Variants in CNBD1 observed in about 807,000 individuals in gnomAD.
CNBD1 encodes the protein cyclic nucleotide binding domain containing 1, also known as cyclic nucleotide-binding domain-containing protein 1.
In CNBD1, 71 loss-of-function variants were observed where a neutral mutation model predicts 54.4. The ratio of observed to expected loss-of-function variants is 1.30; its 90% CI spans 1.08 to 1.59. The LOEUF (loss-of-function observed/expected upper bound fraction) is 1.59. Among genes scored for constraint, CNBD1 ranks in the 40% most tolerant of loss-of-function variants. The pLI is 0.00. For synonymous variants in CNBD1, 182 were observed against 170.7 expected (o/e 1.07, Z -0.51); for missense variants, 659 against 518.0 (o/e 1.27, Z -2.64).
intron 4 of CNBD1, among the ~76,000 whole-genome samples, chr8:87,147,588 G>A (rs2130744972): frequency 6.6e-6 from 1 of 152,050 alleles, no homozygotes; most frequent in South Asian, 2.1e-4. Flanking sequence ...TTGAAATAAT[G>A]CTCAGAGTAA....
At chr8:87,012,420 A>G (rs138933468) in intron 4 of CNBD1, among the ~76,000 whole-genome samples, 233 of 152,310 alleles carry the variant, frequency 1.5e-3, no homozygotes, top group African/African-American at 4.6e-3. Flanking sequence ...TAACTCTAGC[A>G]TAATATTATG....
At chr8:86,951,581 CAAAAAAAAA>C (rs71275901) in intron 4 of CNBD1, among the ~76,000 whole-genome samples, 52 of 37,360 alleles carry the variant, frequency 1.4e-3, no homozygotes, top group Admixed American at 3.1e-3. Flanking sequence ...CTCCGTCTCA[CAAAAAAAAA>C]AAAAAAAAAA....
chr8:86,920,243 A>C (rs11995736), intron 3 of CNBD1, among the ~76,000 whole-genome samples: 14,227 of 152,154 alleles, frequency 0.094, 960 homozygotes, highest in African/African-American at 0.2. Flanking sequence ...TTTTTGGTAT[A>C]TTTTAATTTA....
intron 4 of CNBD1, among the ~76,000 whole-genome samples, chr8:87,028,525 T>G (rs575651883): frequency 8.5e-5 from 13 of 152,284 alleles, no homozygotes; most frequent in Non-Finnish European, 1.8e-4. Context: ...GGAGGAAGGC[T>G]TTAATCAGGT....
intron 4 of CNBD1, among the ~76,000 whole-genome samples, chr8:86,943,926 T>C (rs1033136343): frequency 2.0e-5 from 3 of 151,994 alleles, no homozygotes; most frequent in Non-Finnish European, 2.9e-5. Context: ...CTCTTCAAGG[T>C]ACAACACTGG....
At chr8:87,216,509 T>A (rs1214364747) in intron 5 of CNBD1, among the ~76,000 whole-genome samples, 2 of 152,212 alleles carry the variant, frequency 1.3e-5, no homozygotes, top group East Asian at 3.8e-4. Context: ...GAAATTTATT[T>A]CTTATAGATT....
intron 4 of CNBD1, among the ~76,000 whole-genome samples, chr8:86,968,547 C>T (rs1808145811): frequency 6.6e-6 from 1 of 152,200 alleles, no homozygotes; most frequent in African/African-American, 2.4e-5. Context: ...TAAGGACGTG[C>T]ACCAGGGAGG....
intron 5 of CNBD1, among the ~76,000 whole-genome samples, chr8:87,222,496 A>C (rs1342164905): frequency 6.6e-6 from 1 of 152,160 alleles, no homozygotes; most frequent in Non-Finnish European, 1.5e-5. Flanking sequence ...GGATGGGGGC[A>C]GGGCTGAGGT....
At chr8:87,304,450 C>G (rs1044267531) in intron 8 of CNBD1, among the ~76,000 whole-genome samples, 53 of 151,332 alleles carry the variant, frequency 3.5e-4, no homozygotes, top group African/African-American at 9.7e-4. Context: ...AACACATGGA[C>G]ACAGGAAGGG....
intron 4 of CNBD1, among the ~76,000 whole-genome samples, chr8:87,107,910 T>C (rs1811575865): frequency 6.6e-6 from 1 of 152,238 alleles, no homozygotes; most frequent in Admixed American, 6.5e-5. Flanking sequence ...GTCTACCTGT[T>C]ATCAATTCAT....
At chr8:86,998,547 T>C (rs1808928775) in intron 4 of CNBD1, among the ~76,000 whole-genome samples, 1 of 152,184 alleles carries the variant, frequency 6.6e-6, no homozygotes, top group Admixed American at 6.5e-5. Context: ...ATTCAAGGTC[T>C]TTCCCTTCTA....
intron 6 of CNBD1, among the ~76,000 whole-genome samples, chr8:87,247,930 C>T (rs964995235): frequency 6.6e-6 from 1 of 152,188 alleles, no homozygotes; most frequent in African/African-American, 2.4e-5. Context: ...GACTCACATT[C>T]AGAAGTGACC....
chr8:87,020,779 C>G (rs1809472347), intron 4 of CNBD1, among the ~76,000 whole-genome samples: 1 of 152,184 alleles, frequency 6.6e-6, no homozygotes, highest in Admixed American at 6.5e-5. Flanking sequence ...CCCCTTGCCC[C>G]TTTGTTTTAT....
intron 4 of CNBD1, among the ~76,000 whole-genome samples, chr8:87,106,520 T>C (rs752594609): frequency 6.6e-6 from 1 of 152,202 alleles, no homozygotes; most frequent in Non-Finnish European, 1.5e-5. Context: ...CAATATTCGA[T>C]GTTTCTATAG....
At chr8:87,025,057 C>T (rs777970863) in intron 4 of CNBD1, among the ~76,000 whole-genome samples, 1 of 152,102 alleles carries the variant, frequency 6.6e-6, no homozygotes, top group Non-Finnish European at 1.5e-5. Context: ...AGAGGTGAAG[C>T]CAGCTGGGCG....
intron 4 of CNBD1, among the ~76,000 whole-genome samples, chr8:86,989,816 C>T (rs934712553): frequency 4.6e-5 from 7 of 152,092 alleles, no homozygotes; most frequent in Admixed American, 1.3e-4. Flanking sequence ...CAACAGTGTA[C>T]GAGGGTTCCC....
At chr8:87,030,911 C>G (rs1487893150) in intron 4 of CNBD1, among the ~76,000 whole-genome samples, 1 of 66,254 alleles carries the variant, frequency 1.5e-5, no homozygotes, top group Non-Finnish European at 3.3e-5. Flanking sequence ...CCCACCTCCT[C>G]CTCCCCCCCT....
intron 1 of CNBD1, among the ~76,000 whole-genome samples, chr8:86,874,540 T>G (rs4527891): frequency 0.47 from 70,788 of 151,884 alleles, 16,752 homozygotes; most frequent in East Asian, 0.56. Context: ...ATATGTTTTG[T>G]GAAGATGTAT....
intron 10 of CNBD1, among the ~76,000 whole-genome samples, chr8:87,378,704 G>T (rs1204448337): frequency 6.6e-6 from 1 of 151,030 alleles, no homozygotes; most frequent in African/African-American, 2.5e-5. Flanking sequence ...GGCATTGGTA[G>T]CTTGATGGAG....
Sources: allele counts gnomAD v4.1 joint callset (sites outside exome capture counted in the v4.1 genomes callset), GRCh38; gene constraint gnomAD v4.1.1; transcripts MANE v1.5; gene names NCBI Gene and HGNC (gene_info 2026-07-23, HGNC 2026-07-21).